Variants in TIMP2 observed in about 807,000 individuals in gnomAD.
TIMP2 encodes the protein metalloproteinase inhibitor 2.
TIMP2 carries 5 observed loss-of-function variants against 24.3 expected under a neutral mutation model. The observed-to-expected ratio is 0.21, with a 90% CI of 0.11 to 0.43. The LOEUF (loss-of-function observed/expected upper bound fraction) is 0.43. Ranked by LOEUF, TIMP2 falls within the 20% of genes least tolerant of loss-of-function variation. The probability of loss-of-function intolerance (pLI) is 1.00; values close to 1 mark genes in which losing one functional copy is unlikely to be tolerated. For synonymous variants in TIMP2, 130 were observed against 123.2 expected (o/e 1.06, Z -0.37); for missense variants, 221 against 297.5 (o/e 0.74, Z 1.89).
intron 1 of TIMP2, among the ~76,000 whole-genome samples, chr17:78,881,683 A>G (rs578197126): frequency 1.3e-5 from 2 of 152,232 alleles, no homozygotes; most frequent in Non-Finnish European, 2.9e-5. Flanking sequence ...ATGAAACCCA[A>G]CCTCCACTTA....
chr17:78,870,873 G>T (rs202021330), intron 3 of TIMP2, 25 bp downstream of exon 3: 10 of 1,600,466 alleles, frequency 6.2e-6, no homozygotes, highest in Middle Eastern at 1.7e-4. Flanking sequence ...GCCAGCCTCC[G>T]GCTGATGGCC....
intron 2 of TIMP2, among the ~76,000 whole-genome samples, chr17:78,872,918 C>G (rs2069697871): frequency 6.6e-6 from 1 of 152,016 alleles, no homozygotes; most frequent in Admixed American, 6.6e-5. Context: ...CAACCTCTGC[C>G]TCCCAGGTTT....
intron 1 of TIMP2, among the ~76,000 whole-genome samples, chr17:78,889,333 C>G (rs1174489773): frequency 6.6e-6 from 1 of 152,222 alleles, no homozygotes; most frequent in East Asian, 1.9e-4. Flanking sequence ...ATCAAACACC[C>G]AGGTGCCGAC....
At chr17:78,881,255 C>T (rs1209556318) in intron 1 of TIMP2, among the ~76,000 whole-genome samples, 2 of 152,242 alleles carry the variant, frequency 1.3e-5, no homozygotes, top group Non-Finnish European at 2.9e-5. Flanking sequence ...CCCATAGGAC[C>T]AGCACTGGCA....
intron 3 of TIMP2, among the ~76,000 whole-genome samples, chr17:78,868,918 G>A (rs78953352): frequency 0.012 from 1,899 of 152,248 alleles, 31 homozygotes; most frequent in African/African-American, 0.041. Context: ...CGACTGGAGC[G>A]GGTGCTGTGG....
At chr17:78,863,702 C>G (rs2069585625) in intron 3 of TIMP2, among the ~76,000 whole-genome samples, 1 of 152,162 alleles carries the variant, frequency 6.6e-6, no homozygotes, top group African/African-American at 2.4e-5. Context: ...GTATGACTCT[C>G]TGTATCGACT....
At chr17:78,859,460 G>C (rs1383473776) in intron 3 of TIMP2, among the ~76,000 whole-genome samples, 1 of 152,154 alleles carries the variant, frequency 6.6e-6, no homozygotes. Context: ...AGGAGTTCGA[G>C]ACCAGCCTGG....
At chr17:78,875,486 C>A (rs553316978) in intron 1 of TIMP2, among the ~76,000 whole-genome samples, 2 of 152,262 alleles carry the variant, frequency 1.3e-5, no homozygotes, top group South Asian at 4.2e-4. Flanking sequence ...AACCTGAGGA[C>A]AAGCAGATCA....
At position 78,891,568 on chromosome 17, in the gene TIMP2, C is replaced by A; in HGVS notation, c.131-17649G>T. ...CCCTTCTGCAGCTGGAATCAGCTGG[C>A]CACAGCTGCCCGAGGTCTCTCAGCT... is the stretch of plus-strand genomic sequence containing the variant. On this transcript the variant is annotated intron_variant, in intron 1 of 4. Transcript: ENST00000262768. This position sits in a 1 kb window ranked among gnomAD's most constrained non-coding sequence, Gnocchi z 4.5. 1.9e-6 allele frequency: 3 copies of A among 1,550,844 alleles called. No homozygotes were observed. Among genetic ancestry groups the A allele is most frequent in the Non-Finnish European group, 2.6e-6 (3 of 1,147,056 alleles).
At chr17:78,907,846 C>T (rs1013156977) in intron 1 of TIMP2, among the ~76,000 whole-genome samples, 3 of 152,140 alleles carry the variant, frequency 2.0e-5, no homozygotes, top group South Asian at 2.1e-4. Flanking sequence ...TGTGTCCAAA[C>T]GTTCTGGCCA....
intron 1 of TIMP2, among the ~76,000 whole-genome samples, chr17:78,914,801 G>T (rs926818751): frequency 6.6e-6 from 1 of 151,622 alleles, no homozygotes; most frequent in Non-Finnish European, 1.5e-5. Context: ...TGCCTAGGCT[G>T]ATCTGGAACT....
intron 1 of TIMP2, among the ~76,000 whole-genome samples, chr17:78,911,726 T>G (rs930857286): frequency 3.9e-5 from 6 of 151,906 alleles, no homozygotes; most frequent in African/African-American, 1.4e-4. Flanking sequence ...CCACCCCACC[T>G]GGCCTCCATT....
chr17:78,870,728 A>G (rs912372333), intron 3 of TIMP2, among the ~76,000 whole-genome samples, 170 bp downstream of exon 3: 2 of 151,940 alleles, frequency 1.3e-5, no homozygotes, highest in African/African-American at 4.8e-5. Context: ...GTGAACATTC[A>G]CTAGCATTCT....
At chr17:78,923,497 T>A (rs2070324864) in intron 1 of TIMP2, among the ~76,000 whole-genome samples, 1 of 151,284 alleles carries the variant, frequency 6.6e-6, no homozygotes, top group Non-Finnish European at 1.5e-5. Flanking sequence ...CTTGGCTACA[T>A]CCTGCCCCAG....
At chr17:78,915,939 A>C (rs1359955513) in intron 1 of TIMP2, among the ~76,000 whole-genome samples, 1 of 152,200 alleles carries the variant, frequency 6.6e-6, no homozygotes, top group African/African-American at 2.4e-5. Flanking sequence ...ATAGGGAAGG[A>C]AATGGGTTGA....
intron 1 of TIMP2, among the ~76,000 whole-genome samples, chr17:78,921,269 C>T (rs552057354): frequency 1.5e-4 from 23 of 148,648 alleles, no homozygotes; most frequent in African/African-American, 5.8e-4. Context: ...AGCAGTTGTT[C>T]CCCCTCTTGG....
chr17:78,855,593 G>T lies in TIMP2; in HGVS notation c.*74C>A. ...TTTATTCATGCTGTTTCCAGGAAGG[G>T]ATGTCAGAGCTGGACCAGTCGAAAC... On this transcript the variant is annotated 3_prime_UTR_variant, in exon 5 of 5. Transcript: ENST00000262768. The surrounding 1 kb of genome is among the most constrained non-coding windows in gnomAD (Gnocchi z 6.0). The T allele has an allele frequency of 1.3e-6, 2 of 1,506,706 alleles. No individual in the cohort carries two copies. The highest frequency in any genetic ancestry group is 1.8e-6 in the Non-Finnish European group (2 of 1,102,506). The allele number at this position is 1,506,706 out of a possible 1,614,324, so 93.3% of individuals were successfully genotyped here. A position where few individuals can be genotyped will look rare whatever the true frequency, so the allele number is the denominator to read the frequency against.
chr17:78,916,064 T>C (rs2070255365), intron 1 of TIMP2, among the ~76,000 whole-genome samples: 1 of 152,066 alleles, frequency 6.6e-6, no homozygotes, highest in African/African-American at 2.4e-5. Flanking sequence ...CTCCCAGGCC[T>C]CCCTCAGGGC....
In TIMP2 at chr17:78,855,817, C is replaced by T; in HGVS notation, c.513G>A (p.Glu171=). The part of the protein sequence containing the change: ...MIPCYISSPD[E]CLWMDWVTEK... The stretch of plus-strand genomic sequence containing the variant: ...CTGTGACCCAGTCCATCCAGAGGCA[C>T]TCGTCCGGGGAGGAGATGTAGCACG... The change falls in exon 5 of 5, where the codon GAG becomes GAA. Residue 171 remains glutamate, a synonymous_variant. Coordinates refer to ENST00000262768, the MANE Select transcript of TIMP2 (RefSeq NM_003255.5). This position sits in a 1 kb window ranked among gnomAD's most constrained non-coding sequence, Gnocchi z 6.0. 6.2e-7 allele frequency: 1 copy of T among 1,614,136 alleles called. No homozygotes were observed. Among genetic ancestry groups the T allele is most frequent in the East Asian group, 2.2e-5 (1 of 44,856 alleles).
Sources: gnomAD v4.1 joint callset for allele counts (sites outside exome capture counted in the v4.1 genomes callset) on GRCh38, gnomAD v4.1.1 for gene constraint, Gnocchi (gnomAD v3.1) non-coding constraint, MANE v1.5 for transcripts, NCBI Gene and HGNC (gene_info 2026-07-23, HGNC 2026-07-21) for gene names.